Variants in CORO2B observed in about 807,000 individuals in gnomAD.
The protein encoded by CORO2B is coronin-2B.
In CORO2B, 26 loss-of-function variants were observed where a neutral mutation model predicts 58.8. The observed-to-expected ratio is 0.44, with a 90% confidence interval of 0.32 to 0.61. The LOEUF is 0.61. Among genes scored for constraint, CORO2B ranks in the 20% least tolerant of loss-of-function variants. The pLI, the probability that CORO2B is intolerant of heterozygous loss-of-function variation, is 0.04. For synonymous variants in CORO2B, 242 were observed against 253.8 expected (o/e 0.95, Z 0.44); for missense variants, 460 against 645.1 (o/e 0.71, Z 3.11).
intron 1 of CORO2B, among the ~76,000 whole-genome samples, chr15:68,635,040 G>A (rs1280863492): frequency 6.6e-6 from 1 of 152,172 alleles, no homozygotes; most frequent in African/African-American, 2.4e-5. Context: ...CCGGGAGCCT[G>A]CATTTCCACA....
the CORO2B span, among the ~76,000 whole-genome samples, chr15:68,570,158 G>A: frequency 1.3e-5 from 2 of 152,210 alleles, no homozygotes; most frequent in African/African-American, 4.8e-5. Flanking sequence ...AGCTAGGCTT[G>A]GAGTTGGATA....
At chr15:68,648,508 G>C (rs901117391) in intron 2 of CORO2B, among the ~76,000 whole-genome samples, 21 of 152,014 alleles carry the variant, frequency 1.4e-4, no homozygotes, top group African/African-American at 4.8e-4. Context: ...AAATTAGCCA[G>C]GTCTGGTGGC....
At chr15:68,722,532 C>A (rs771225664) in intron 11 of CORO2B, among the ~76,000 whole-genome samples, 1 of 152,132 alleles carries the variant, frequency 6.6e-6, no homozygotes, top group Non-Finnish European at 1.5e-5. Flanking sequence ...GAATTGTAAG[C>A]TTAAAATGAG....
intron 2 of CORO2B, among the ~76,000 whole-genome samples, chr15:68,681,218 A>C (rs981755166): frequency 2.8e-4 from 7 of 24,866 alleles, no homozygotes; most frequent in African/African-American, 4.5e-4. Context: ...CCTCCATCTC[A>C]AAAAAAAATT....
intron 2 of CORO2B, among the ~76,000 whole-genome samples, chr15:68,666,293 G>A (rs541315310): frequency 6.6e-6 from 1 of 152,208 alleles, no homozygotes; most frequent in South Asian, 2.1e-4. Flanking sequence ...TACTGAAAGT[G>A]AGGCCCCAGG....
chr15:68,591,960 C>G (rs1037645725), intron 1 of CORO2B, among the ~76,000 whole-genome samples: 4 of 152,160 alleles, frequency 2.6e-5, no homozygotes, highest in African/African-American at 9.7e-5. Flanking sequence ...GTCACTTCCT[C>G]CTCTGGTTGG....
At chr15:68,680,088 G>T (rs565251429) in intron 2 of CORO2B, among the ~76,000 whole-genome samples, 2 of 152,208 alleles carry the variant, frequency 1.3e-5, no homozygotes, top group South Asian at 4.2e-4. Context: ...GGTGGATGGC[G>T]GTTCTCTCGG....
intron 3 of CORO2B, among the ~76,000 whole-genome samples, chr15:68,698,229 C>T (rs1191663437): frequency 6.6e-6 from 1 of 152,224 alleles, no homozygotes; most frequent in East Asian, 1.9e-4. Flanking sequence ...TCATCACAGA[C>T]AGCCAATGCT....
intron 2 of CORO2B, among the ~76,000 whole-genome samples, chr15:68,681,717 G>A (rs1035532462): frequency 1.3e-5 from 2 of 151,838 alleles, no homozygotes; most frequent in Non-Finnish European, 2.9e-5. Context: ...ATAAGACAGA[G>A]AAAGGGGAGC....
At chr15:68,713,291 G>T (rs1892961393) in intron 5 of CORO2B, among the ~76,000 whole-genome samples, 1 of 152,158 alleles carries the variant, frequency 6.6e-6, no homozygotes, top group Admixed American at 6.5e-5. Flanking sequence ...CAATGCCCCT[G>T]GTGAGAGCTC....
chr15:68,610,142 G>C (rs533345341), intron 1 of CORO2B, among the ~76,000 whole-genome samples: 1 of 152,158 alleles, frequency 6.6e-6, no homozygotes, highest in Non-Finnish European at 1.5e-5. Context: ...CAGAGATCTC[G>C]GGGAAATGGG....
intron 3 of CORO2B, among the ~76,000 whole-genome samples, chr15:68,705,135 T>C (rs16952446): frequency 0.024 from 3,607 of 152,226 alleles, 146 homozygotes; most frequent in African/African-American, 0.083. Flanking sequence ...CCCAGTAATG[T>C]ATTCAATGTC....
intron 1 of CORO2B, among the ~76,000 whole-genome samples, chr15:68,585,095 C>T (rs1366537017): frequency 1.3e-5 from 2 of 152,174 alleles, no homozygotes; most frequent in African/African-American, 2.4e-5. Context: ...ATTAATGTAG[C>T]AATGGGAGGC....
At chr15:68,698,997 G>A (rs981734354) in intron 3 of CORO2B, among the ~76,000 whole-genome samples, 6 of 152,180 alleles carry the variant, frequency 3.9e-5, no homozygotes, top group Non-Finnish European at 5.9e-5. Context: ...AGGAGAAGAG[G>A]TAGTTAGCTG....
intron 2 of CORO2B, among the ~76,000 whole-genome samples, chr15:68,677,815 T>C (rs1902637829): frequency 6.6e-6 from 1 of 152,196 alleles, no homozygotes; most frequent in Admixed American, 6.5e-5. Context: ...TGTTCCTGCC[T>C]TCACCCTCTC....
chr15:68,579,751 C>G (rs1444405960), intron 1 of CORO2B, among the ~76,000 whole-genome samples: 2 of 152,212 alleles, frequency 1.3e-5, no homozygotes, highest in Non-Finnish European at 2.9e-5. Flanking sequence ...GCCGGGAGCG[C>G]TGGCTCCACT....
intron 1 of CORO2B, among the ~76,000 whole-genome samples, chr15:68,613,110 A>G (rs1312077805): frequency 6.6e-6 from 1 of 152,220 alleles, no homozygotes; most frequent in Non-Finnish European, 1.5e-5. Context: ...CAGAAGAGGC[A>G]TGTAATGGAA....
intron 1 of CORO2B, among the ~76,000 whole-genome samples, chr15:68,606,890 T>C (rs1284123581): frequency 6.6e-6 from 1 of 152,158 alleles, no homozygotes; most frequent in Non-Finnish European, 1.5e-5. Context: ...AGGCACTTCG[T>C]AGGTGCTCAA....
intron 3 of CORO2B, among the ~76,000 whole-genome samples, chr15:68,705,660 C>G (rs112000422): frequency 6.6e-6 from 1 of 152,258 alleles, no homozygotes; most frequent in South Asian, 2.1e-4. Flanking sequence ...TTCCATGAGA[C>G]TTGAATCCAG....
Sources: gnomAD v4.1 joint callset for allele counts (sites outside exome capture counted in the v4.1 genomes callset) on GRCh38, gnomAD v4.1.1 for gene constraint, MANE v1.5 for transcripts, NCBI Gene and HGNC (gene_info 2026-07-23, HGNC 2026-07-21) for gene names.